EXOC4: variants seen among roughly 807,000 people sequenced by gnomAD.
EXOC4 encodes exocyst complex component 4.
EXOC4 carries 71 observed loss-of-function variants against 107.2 expected under a neutral mutation model. The observed-to-expected ratio is 0.66, with a 90% CI of 0.55 to 0.81. The LOEUF is 0.81. Among genes scored for constraint, EXOC4 ranks in the 30% least tolerant of loss-of-function variants. EXOC4 has a pLI of 0.00. For missense variants in EXOC4, 1,108 were observed against 1,189.6 expected, an observed-to-expected ratio of 0.93 and a Z score of 1.01; for synonymous variants, 456 against 441.2, an observed-to-expected ratio of 1.03 and a Z score of -0.42.
At chr7:133,255,590 A>G (rs1315131593) in intron 1 of EXOC4, among the ~76,000 whole-genome samples, 2 of 152,214 alleles carry the variant, frequency 1.3e-5, no homozygotes, top group Non-Finnish European at 2.9e-5. Flanking sequence ...GGGCAAGTTT[A>G]TTAAGGCTTG....
At chr7:133,992,009 A>G (rs1794272863) in intron 14 of EXOC4, among the ~76,000 whole-genome samples, 1 of 151,950 alleles carries the variant, frequency 6.6e-6, no homozygotes, top group African/African-American at 2.4e-5. Context: ...TGGTATTTTG[A>G]TAGGGATTGC....
intron 11 of EXOC4, among the ~76,000 whole-genome samples, chr7:133,831,868 A>G (rs575336187): frequency 6.6e-6 from 1 of 152,336 alleles, no homozygotes; most frequent in Non-Finnish European, 1.5e-5. Context: ...TATTAAGCTA[A>G]AAACGAGTTC....
chr7:133,423,679 C>T lies in EXOC4; in HGVS notation c.1182+48677C>T, dbSNP rs142805101. 8.4e-4 allele frequency among the ~76,000 whole-genome samples: 128 copies of T among 152,334 alleles called. No individual in the cohort carries two copies. In the East Asian group the frequency reaches 0.016, roughly 19 times the overall value. ...TCTGTGCCTCCTCAGCCTTGGCATCCGCTCTGGGCCCTCTTTGGGGCTGGC... is the reference window on the plus strand; with the variant it reads ...TCTGTGCCTCCTCAGCCTTGGCATCTGCTCTGGGCCCTCTTTGGGGCTGGC... On this transcript the variant is annotated intron_variant, in intron 7 of 17. Coordinates refer to ENST00000253861, the MANE Select transcript of EXOC4 (RefSeq NM_021807.4).
chr7:133,284,864 C>T (rs1342512679), intron 2 of EXOC4, among the ~76,000 whole-genome samples: 3 of 152,038 alleles, frequency 2.0e-5, no homozygotes, highest in Non-Finnish European at 4.4e-5. Flanking sequence ...TCAAATAAAG[C>T]CACAAATGAT....
chr7:133,930,907 A>G (rs984668022), intron 13 of EXOC4, among the ~76,000 whole-genome samples: 1 of 151,314 alleles, frequency 6.6e-6, no homozygotes, highest in East Asian at 1.9e-4. Context: ...GTATATTTCT[A>G]CCCATTTTGT....
At chr7:133,821,569 A>G (rs1012790669) in intron 11 of EXOC4, among the ~76,000 whole-genome samples, 15 of 152,130 alleles carry the variant, frequency 9.9e-5, no homozygotes, top group African/African-American at 3.6e-4. Flanking sequence ...GGGTTTTAAC[A>G]TTTCTTTTTT....
At chr7:133,728,454 C>G (rs942675721) in intron 10 of EXOC4, among the ~76,000 whole-genome samples, 1 of 152,194 alleles carries the variant, frequency 6.6e-6, no homozygotes, top group Admixed American at 6.5e-5. Context: ...TAGACTGTCT[C>G]AAGCTTTTCT....
chr7:133,617,489 C>T (rs894694781), intron 9 of EXOC4, among the ~76,000 whole-genome samples: 15 of 152,086 alleles, frequency 9.9e-5, no homozygotes, highest in Non-Finnish European at 5.9e-5. Flanking sequence ...ATAACACAAA[C>T]GAACTGCAGA....
chr7:133,998,342 G>A (rs746053912), intron 15 of EXOC4, among the ~76,000 whole-genome samples: 20 of 152,202 alleles, frequency 1.3e-4, no homozygotes, highest in Non-Finnish European at 2.6e-4. Flanking sequence ...TACTAGCATA[G>A]TGGGCAGTTG....
intron 11 of EXOC4, among the ~76,000 whole-genome samples, chr7:133,858,408 G>A (rs1418586845): frequency 6.6e-6 from 1 of 152,120 alleles, no homozygotes; most frequent in East Asian, 1.9e-4. Context: ...GGAAGTGTGT[G>A]CTGATTGGTC....
chr7:133,589,687 G>A (rs1801494216), intron 9 of EXOC4, among the ~76,000 whole-genome samples: 1 of 152,164 alleles, frequency 6.6e-6, no homozygotes, highest in South Asian at 2.1e-4. Flanking sequence ...TATTGTGTGT[G>A]CTGTTCATTG....
intron 5 of EXOC4, among the ~76,000 whole-genome samples, chr7:133,324,160 C>G (rs907573735): frequency 2.0e-5 from 3 of 152,120 alleles, no homozygotes; most frequent in Admixed American, 1.3e-4. Flanking sequence ...TTCAAAAAAT[C>G]AGCTCCTGGA....
chr7:133,480,250 A>G (rs1799122398), intron 9 of EXOC4, 112 bp downstream of exon 9: 1 of 1,523,334 alleles, frequency 6.6e-7, no homozygotes, highest in Admixed American at 2.1e-5. Flanking sequence ...ACAAACACTT[A>G]GTGACTTAAT....
intron 10 of EXOC4, among the ~76,000 whole-genome samples, chr7:133,753,985 T>C (rs1795846922): frequency 6.6e-6 from 1 of 152,224 alleles, no homozygotes; most frequent in South Asian, 2.1e-4. Context: ...TACTAACTCA[T>C]TTAATCTTCA....
intron 10 of EXOC4, among the ~76,000 whole-genome samples, chr7:133,797,682 G>A (rs2551016): frequency 0.99 from 150,278 of 152,308 alleles, 74,180 homozygotes; most frequent in Middle Eastern, 1. Flanking sequence ...TTCATTCACT[G>A]TTGATTCAGT....
At chr7:133,467,440 A>T (rs1365698088) in intron 7 of EXOC4, among the ~76,000 whole-genome samples, 1 of 151,760 alleles carries the variant, frequency 6.6e-6, no homozygotes, top group Admixed American at 6.6e-5. Flanking sequence ...CCCTAATCCC[A>T]TTTCCTTCCA....
intron 11 of EXOC4, among the ~76,000 whole-genome samples, chr7:133,832,709 A>G (rs1797835611): frequency 6.6e-6 from 1 of 152,238 alleles, no homozygotes; most frequent in South Asian, 2.1e-4. Context: ...CACATATTGA[A>G]GGACATCTTG....
At chr7:134,000,502 G>A (rs1794507515) in intron 15 of EXOC4, among the ~76,000 whole-genome samples, 1 of 151,908 alleles carries the variant, frequency 6.6e-6, no homozygotes, top group African/African-American at 2.4e-5. Context: ...AGAATTAGTT[G>A]GTTTGAAACC....
At chr7:133,439,495 G>C (rs944671913) in intron 7 of EXOC4, among the ~76,000 whole-genome samples, 4 of 151,954 alleles carry the variant, frequency 2.6e-5, no homozygotes, top group African/African-American at 9.7e-5. Context: ...TATTTCATCA[G>C]TTCTAATGTA....
Sources: gnomAD v4.1 joint callset for allele counts (sites outside exome capture counted in the v4.1 genomes callset) on GRCh38, gnomAD v4.1.1 for gene constraint, MANE v1.5 for transcripts, NCBI Gene and HGNC (gene_info 2026-07-23, HGNC 2026-07-21) for gene names.